The following NFXL1 variants were observed in gnomAD, a reference collection of about 807,000 sequenced individuals.
The protein encoded by NFXL1 is nuclear transcription factor, X-box binding like 1.
A neutral mutation model predicts 123.3 loss-of-function variants in NFXL1; 66 were observed. The ratio of observed to expected loss-of-function variants is 0.54; its 90% CI spans 0.44 to 0.66. The LOEUF is 0.66. Ranked by LOEUF, NFXL1 falls within the 30% of genes least tolerant of loss-of-function variation. The pLI is 0.00. For missense variants in NFXL1, 944 were observed against 1,125.6 expected, an observed-to-expected ratio of 0.84 and a Z score of 2.31; for synonymous variants, 346 against 360.8, an observed-to-expected ratio of 0.96 and a Z score of 0.46.
intron 17 of NFXL1, among the ~76,000 whole-genome samples, chr4:47,876,323 G>C (rs888321926): frequency 1.3e-5 from 2 of 152,132 alleles, no homozygotes; most frequent in African/African-American, 4.8e-5. Flanking sequence ...ATAAGAAAGA[G>C]TGATGGCAGC....
chr4:47,885,546 C>A lies in NFXL1; in HGVS notation c.1776G>T (p.Leu592Phe). 4 of 1,613,852 alleles carry A rather than the reference C, an allele frequency of 2.5e-6. No homozygotes were observed. The South Asian group carries it at 3.3e-5, about 13-fold the overall frequency. ...CTTGATCATGACACGGAGCAGGACACAAGTGACCACATTTCTCCAAAACTT... is the reference window on the plus strand; with the variant it reads ...CTTGATCATGACACGGAGCAGGACAAAAGTGACCACATTTCTCCAAAACTT... ...CQKVLEKCGH[L>F]CPAPCHDQAL... Residue 592 changes from leucine to phenylalanine, a missense_variant, in exon 14 of 23, where the codon TTG (leucine) becomes TTT (phenylalanine). Leu to Phe is a conservative substitution (Grantham distance 22). Coordinates refer to ENST00000507489, the MANE Select transcript of NFXL1 (RefSeq NM_001278624.2).
chr4:47,866,345 C>T (rs1017575229), intron 18 of NFXL1, among the ~76,000 whole-genome samples: 7 of 152,154 alleles, frequency 4.6e-5, no homozygotes, highest in Admixed American at 4.6e-4. Context: ...CTCAGTACCA[C>T]CCTCAAACGC....
At position 47,848,341 on chromosome 4, in the gene NFXL1, A is replaced by T. The variant is rs1733927775; in HGVS notation, c.2563-5T>A. On this transcript the variant is annotated splice_polypyrimidine_tract_variant and splice_region_variant and intron_variant, in intron 22 of 22. Transcript: ENST00000507489. ...TTCAAAAGCTTCTAGTTCAGCCTAA[A>T]TAAAAACAGCATCATTTTAATTAAA... is the stretch of plus-strand genomic sequence containing the variant. 3 of 1,583,600 alleles carry T rather than the reference A, an allele frequency of 1.9e-6. No individual in the cohort carries two copies. The highest frequency in any genetic ancestry group is 1.7e-6 in the Non-Finnish European group (2 of 1,164,534).
At chr4:47,868,318 CAAA>C (rs1213955591) in intron 18 of NFXL1, among the ~76,000 whole-genome samples, 1 of 90,824 alleles carries the variant, frequency 1.1e-5, no homozygotes, top group Non-Finnish European at 2.3e-5. Context: ...GACTCCGTCT[CAAA>C]AAAAAAAAAA....
intron 19 of NFXL1, among the ~76,000 whole-genome samples, chr4:47,857,254 A>T (rs1734467142): frequency 6.6e-6 from 1 of 152,136 alleles, no homozygotes; most frequent in Non-Finnish European, 1.5e-5. Flanking sequence ...CCTCTCTTCC[A>T]GCTATTTGGA....
At chr4:47,888,745 C>A (rs1213194063) in intron 12 of NFXL1, among the ~76,000 whole-genome samples, 2 of 151,550 alleles carry the variant, frequency 1.3e-5, no homozygotes, top group Non-Finnish European at 2.9e-5. Context: ...ACAAATAAGT[C>A]ATAAGGGGAA....
intron 19 of NFXL1, among the ~76,000 whole-genome samples, chr4:47,857,779 C>T (rs1734495020): frequency 6.6e-6 from 1 of 152,098 alleles, no homozygotes; most frequent in Non-Finnish European, 1.5e-5. Context: ...AAAAGGAGCC[C>T]TTGGATCCAT....
intron 22 of NFXL1, among the ~76,000 whole-genome samples, chr4:47,850,483 A>C (rs1388218573): frequency 1.3e-5 from 2 of 152,082 alleles, no homozygotes. Context: ...AATAATAAAA[A>C]GTTATACATC....
chr4:47,888,103 G>A (rs536796727), intron 12 of NFXL1, among the ~76,000 whole-genome samples: 66 of 152,158 alleles, frequency 4.3e-4, no homozygotes, highest in Middle Eastern at 3.4e-3. Flanking sequence ...GTGAAACCCC[G>A]GCTCTACTAA....
intron 12 of NFXL1, among the ~76,000 whole-genome samples, chr4:47,889,051 T>A (rs114887257): frequency 0.015 from 2,353 of 152,310 alleles, 59 homozygotes; most frequent in African/African-American, 0.052. Flanking sequence ...GTATGATATT[T>A]GCTCTAAACT....
chr4:47,865,346 T>C (rs1018360676), intron 18 of NFXL1, among the ~76,000 whole-genome samples: 1 of 152,138 alleles, frequency 6.6e-6, no homozygotes, highest in African/African-American at 2.4e-5. Context: ...GCTGAGGTAA[T>C]GGAAGCCACC....
At chr4:47,860,581 A>G (rs1336443723) in intron 19 of NFXL1, among the ~76,000 whole-genome samples, 1 of 152,234 alleles carries the variant, frequency 6.6e-6, no homozygotes, top group Admixed American at 6.5e-5. Context: ...AAAGACAAAT[A>G]TGACATAGTC....
At chr4:47,884,270 G>C (rs897895905) in intron 15 of NFXL1, 76 bp downstream of exon 15, 63 of 784,360 alleles carry the variant, frequency 8.0e-5, no homozygotes, top group Non-Finnish European at 1.5e-5. Flanking sequence ...AAAAAAGGGA[G>C]ATTGACTTCA....
chr4:47,853,528 C>G (rs1476022515), intron 20 of NFXL1, among the ~76,000 whole-genome samples: 1 of 151,966 alleles, frequency 6.6e-6, no homozygotes, highest in East Asian at 1.9e-4. Flanking sequence ...AACAGCTAAG[C>G]CTTCCCAAGG....
chr4:47,879,120 A>G lies in NFXL1; in HGVS notation c.1917-3T>C. Reference sequence around the variant, plus strand: ...CCTCATGTTTCCCAAGACATTCCCTACAAGGAAAAAATAAAATAAAATGAA... The same window carrying G: ...CCTCATGTTTCCCAAGACATTCCCTGCAAGGAAAAAATAAAATAAAATGAA... On this transcript the variant is annotated splice_region_variant and splice_polypyrimidine_tract_variant and intron_variant, in intron 15 of 22. Transcript: ENST00000507489. 1 of 1,326,082 alleles carries G rather than the reference A, an allele frequency of 7.5e-7. No homozygotes were observed. The highest frequency in any genetic ancestry group is 2.7e-5 in the East Asian group (1 of 37,068). 82.1% of individuals were successfully genotyped at this position (1,326,082 alleles called of 1,614,324 possible).
At chr4:47,868,573 A>G (rs1253374941) in intron 18 of NFXL1, among the ~76,000 whole-genome samples, 2 of 148,796 alleles carry the variant, frequency 1.3e-5, no homozygotes, top group Non-Finnish European at 3.0e-5. Context: ...AAAACGTACA[A>G]AAAAAAAAAG....
chr4:47,885,400 A>C, intron 14 of NFXL1, 98 bp downstream of exon 14: 3 of 994,346 alleles, frequency 3.0e-6, no homozygotes, highest in Non-Finnish European at 4.6e-6. Context: ...AGTGCTTCCC[A>C]ATAAGTGCTT....
intron 19 of NFXL1, 79 bp downstream of exon 19, chr4:47,862,767 T>C: frequency 1.2e-6 from 1 of 824,202 alleles, no homozygotes; most frequent in Admixed American, 2.4e-5. Flanking sequence ...CTGAAATAAT[T>C]TGACCAAACA....
chr4:47,891,579 A>G (rs1431310626), intron 11 of NFXL1, among the ~76,000 whole-genome samples: 1 of 152,180 alleles, frequency 6.6e-6, no homozygotes, highest in African/African-American at 2.4e-5. Context: ...AATCATGGAC[A>G]CCAGTCAACT....
Sources: allele counts gnomAD v4.1 joint callset (sites outside exome capture counted in the v4.1 genomes callset), GRCh38; gene constraint gnomAD v4.1.1; transcripts MANE v1.5; gene names NCBI Gene and HGNC (gene_info 2026-07-23, HGNC 2026-07-21).